The following PIP5K1B variants were observed in gnomAD, a reference collection of about 807,000 sequenced individuals.
PIP5K1B encodes the protein phosphatidylinositol-4-phosphate 5-kinase type 1 beta.
Under a neutral mutation model 67.0 loss-of-function variants are expected in PIP5K1B, and 42 were observed. The ratio of observed to expected loss-of-function variants is 0.63; its 90% CI spans 0.49 to 0.81. The LOEUF is 0.81. Ranked by LOEUF, PIP5K1B falls within the 30% of genes least tolerant of loss-of-function variation. PIP5K1B has a pLI of 0.00. For synonymous variants in PIP5K1B, 214 were observed against 231.4 expected, an observed-to-expected ratio of 0.92 and a Z score of 0.68; for missense variants, 459 against 646.3, an observed-to-expected ratio of 0.71 and a Z score of 3.14.
chr9:68,881,325 A>T (rs972176112), intron 6 of PIP5K1B, among the ~76,000 whole-genome samples: 2 of 152,234 alleles, frequency 1.3e-5, no homozygotes, highest in Non-Finnish European at 2.9e-5. Context: ...CACATTGTGG[A>T]AGAGTTTAGC....
chr9:68,791,158 A>G (rs527968467), intron 2 of PIP5K1B, among the ~76,000 whole-genome samples: 1 of 152,332 alleles, frequency 6.6e-6, no homozygotes, highest in Admixed American at 6.5e-5. Flanking sequence ...CAATTGAGAA[A>G]GATATTTTGT....
At chr9:68,942,546 G>A (rs1162166247) in intron 14 of PIP5K1B, among the ~76,000 whole-genome samples, 3 of 152,004 alleles carry the variant, frequency 2.0e-5, no homozygotes, top group Non-Finnish European at 4.4e-5. Flanking sequence ...AGGTTTTCCC[G>A]GGGCCTGGCA....
At chr9:68,798,051 GT>G (rs966397408) in intron 2 of PIP5K1B, among the ~76,000 whole-genome samples, 3 of 151,478 alleles carry the variant, frequency 2.0e-5, no homozygotes, top group African/African-American at 7.3e-5. Context: ...ATCCATGGTG[GT>G]TTTTTTTCAT....
intron 6 of PIP5K1B, among the ~76,000 whole-genome samples, chr9:68,882,685 T>C (rs1471433654): frequency 6.6e-6 from 1 of 152,214 alleles, no homozygotes; most frequent in African/African-American, 2.4e-5. Context: ...TTTCACAACA[T>C]AAACTCCTAC....
chr9:68,904,048 G>GA (rs1386480162), intron 8 of PIP5K1B, among the ~76,000 whole-genome samples: 2 of 150,798 alleles, frequency 1.3e-5, no homozygotes, highest in Non-Finnish European at 2.9e-5. Flanking sequence ...ACAGCCATGT[G>GA]AAGTGAGTGG....
chr9:68,826,844 C>T (rs567975333), intron 4 of PIP5K1B, among the ~76,000 whole-genome samples: 3 of 152,278 alleles, frequency 2.0e-5, no homozygotes, highest in South Asian at 2.1e-4. Context: ...CTCTGCCTCC[C>T]GGGTTCAAGC....
intron 2 of PIP5K1B, among the ~76,000 whole-genome samples, chr9:68,763,670 T>C (rs1168344957): frequency 6.6e-6 from 1 of 152,178 alleles, no homozygotes; most frequent in Non-Finnish European, 1.5e-5. Context: ...CAAGGCTGAT[T>C]AGACCCCATG....
chr9:68,971,794 GAA>G (rs1829384498), intron 14 of PIP5K1B, among the ~76,000 whole-genome samples: 1 of 152,178 alleles, frequency 6.6e-6, no homozygotes, highest in African/African-American at 2.4e-5. Flanking sequence ...GTCTTCTTTT[GAA>G]AAGTGTCTGT....
In PIP5K1B at chr9:68,930,157, G is replaced by A. The variant is rs944269897; in HGVS notation, c.1202-4733G>A. ...ACTCTTATTGTGGTTGCTCCTCAGG[G>A]TCCAGGCTCTGACTCGGTCTCTTCT... On this transcript the variant is annotated intron_variant, in intron 12 of 15. Coordinates refer to ENST00000265382, the MANE Select transcript of PIP5K1B (RefSeq NM_003558.4). Among the ~76,000 whole-genome samples the A allele has an allele frequency of 2.0e-5, 3 of 152,188 alleles. No individual in the cohort carries two copies. In the East Asian group the frequency reaches 5.8e-4, roughly 29 times the overall value.
intron 1 of PIP5K1B, chr9:68,727,697 G>A (rs1471407038): frequency 1.3e-5 from 2 of 152,158 alleles, no homozygotes; most frequent in African/African-American, 2.4e-5. Context: ...AGGAGACGTA[G>A]AAGCACTGAT....
At chr9:68,900,173 G>A (rs1825289700) in intron 8 of PIP5K1B, among the ~76,000 whole-genome samples, 1 of 151,998 alleles carries the variant, frequency 6.6e-6, no homozygotes, top group South Asian at 2.1e-4. Flanking sequence ...ACTGTTGATG[G>A]GCATCTAGGT....
intron 7 of PIP5K1B, among the ~76,000 whole-genome samples, chr9:68,890,661 AT>A (rs986185385): frequency 4.0e-5 from 6 of 150,208 alleles, no homozygotes; most frequent in East Asian, 1.9e-4. Flanking sequence ...CTGAGCAATT[AT>A]TTTTTTTTGG....
At chr9:68,824,786 A>G (rs1168585063) in intron 4 of PIP5K1B, among the ~76,000 whole-genome samples, 1 of 152,210 alleles carries the variant, frequency 6.6e-6, no homozygotes, top group East Asian at 1.9e-4. Context: ...TAGTTCTCTG[A>G]TCTTCAAACT....
At chr9:68,741,238 A>AT (rs1828991188) in intron 1 of PIP5K1B, among the ~76,000 whole-genome samples, 1 of 152,112 alleles carries the variant, frequency 6.6e-6, no homozygotes. Flanking sequence ...TCATAAATTG[A>AT]TTTTTGTTTC....
At chr9:68,978,246 C>T (rs977486324) in intron 14 of PIP5K1B, among the ~76,000 whole-genome samples, 2 of 152,198 alleles carry the variant, frequency 1.3e-5, no homozygotes, top group Non-Finnish European at 2.9e-5. Flanking sequence ...AGAACTTCCT[C>T]ATCTGGCATA....
rs139012636 is a variant in PIP5K1B at position 68,900,607 on chromosome 9, G to A, written c.771+5969G>A. Among the ~76,000 whole-genome samples, 1,260 of 152,242 alleles carry A rather than the reference G, an allele frequency of 8.3e-3. 23 individuals are homozygous for A. Among genetic ancestry groups the A allele is most frequent in the Admixed American group, 0.031 (478 of 15,300 alleles). On this transcript the variant is annotated intron_variant, in intron 8 of 15. Coordinates refer to ENST00000265382, the MANE Select transcript of PIP5K1B (RefSeq NM_003558.4). The stretch of plus-strand genomic sequence containing the variant: ...AGACAAAGTATATTAGTGAGAACTT[G>A]TGTTTACAACCCAAATATTTTTAAT...
chr9:68,732,887 A>G (rs1828512809), intron 1 of PIP5K1B, among the ~76,000 whole-genome samples: 1 of 138,118 alleles, frequency 7.2e-6, no homozygotes. Flanking sequence ...AAAAGCTCAT[A>G]ATCCGTTGCT....
At chr9:68,814,246 G>A (rs978951525) in intron 2 of PIP5K1B, among the ~76,000 whole-genome samples, 1 of 152,152 alleles carries the variant, frequency 6.6e-6, no homozygotes, top group African/African-American at 2.4e-5. Flanking sequence ...AATGGGCAGC[G>A]AAAATAGTGT....
intron 2 of PIP5K1B, among the ~76,000 whole-genome samples, chr9:68,802,217 G>T (rs1206908861): frequency 1.3e-5 from 2 of 152,182 alleles, no homozygotes; most frequent in African/African-American, 4.8e-5. Flanking sequence ...AGTTTTTCAT[G>T]TCAGTTTGAT....
Sources: allele counts gnomAD v4.1 joint callset (sites outside exome capture counted in the v4.1 genomes callset), GRCh38; gene constraint gnomAD v4.1.1; transcripts MANE v1.5; gene names NCBI Gene and HGNC (gene_info 2026-07-23, HGNC 2026-07-21).